The following ACOT7 variants were observed in gnomAD, a reference collection of about 807,000 sequenced individuals.
The protein encoded by ACOT7 is acyl-CoA thioesterase 7.
A neutral mutation model predicts 40.2 loss-of-function variants in ACOT7; 12 were observed. That is an observed-to-expected ratio of 0.30 (90% CI 0.19 to 0.48). The LOEUF is 0.48. ACOT7 is among the 20% of genes least tolerant of loss of function. ACOT7 has a pLI of 0.99. For synonymous variants in ACOT7, 228 were observed against 219.5 expected (o/e 1.04, Z -0.34); for missense variants, 395 against 530.8 (o/e 0.74, Z 2.51).
chr1:6,335,776 T>C (rs977310532), intron 3 of ACOT7, among the ~76,000 whole-genome samples: 2 of 152,308 alleles, frequency 1.3e-5, no homozygotes, highest in Non-Finnish European at 1.5e-5. Context: ...GAACACACCT[T>C]GGGAACGTGG....
chr1:6,343,590 A>C (rs1641336592), intron 2 of ACOT7, among the ~76,000 whole-genome samples: 1 of 152,362 alleles, frequency 6.6e-6, no homozygotes. Flanking sequence ...CCCCCAAGTC[A>C]ATGTATGTGG....
At chr1:6,293,693 C>A (rs536219599) in intron 7 of ACOT7, among the ~76,000 whole-genome samples, 1 of 152,074 alleles carries the variant, frequency 6.6e-6, no homozygotes, top group Non-Finnish European at 1.5e-5. Flanking sequence ...AGAATAAGAT[C>A]GTGTTGTGGA....
chr1:6,383,596 G>T lies in ACOT7; in HGVS notation c.143+9661C>A, dbSNP rs549515172. On this transcript the variant is annotated intron_variant, in intron 1 of 8. Transcript: ENST00000361521. ...TCTGTTGTCCAGGCTGGATTGCAGT[G>T]GTGCAATAAGCTCACTACAGCCTCA... Among the ~76,000 whole-genome samples the T allele has an allele frequency of 4.0e-5, 6 of 150,170 alleles. No individual in the cohort carries two copies. The South Asian group carries it at 1.3e-3, about 32-fold the overall frequency.
At chr1:6,327,038 G>A (rs901757541) in intron 5 of ACOT7, among the ~76,000 whole-genome samples, 4 of 152,144 alleles carry the variant, frequency 2.6e-5, no homozygotes, top group Admixed American at 6.5e-5. Context: ...CCTGGCAATG[G>A]AGGCCCCACG....
intron 6 of ACOT7, among the ~76,000 whole-genome samples, chr1:6,316,207 C>T (rs972337631): frequency 6.6e-6 from 1 of 152,152 alleles, no homozygotes; most frequent in Admixed American, 6.5e-5. Context: ...GTGGCAGAAG[C>T]CTGGGCTTGG....
At chr1:6,357,607 T>A (rs1186430401) in intron 1 of ACOT7, among the ~76,000 whole-genome samples, 1 of 152,174 alleles carries the variant, frequency 6.6e-6, no homozygotes, top group Admixed American at 6.5e-5. Flanking sequence ...CTGCAGACAC[T>A]CGGAGCTTCC....
chr1:6,360,757 C>A, intron 1 of ACOT7: 2 of 1,569,342 alleles, frequency 1.3e-6, no homozygotes, highest in Non-Finnish European at 1.7e-6. Context: ...TTGGCCTCAT[C>A]CCTCCAGGCG....
At chr1:6,285,408 A>ACCTCCCTT (rs1368858905) in intron 7 of ACOT7, among the ~76,000 whole-genome samples, 2 of 151,806 alleles carry the variant, frequency 1.3e-5, no homozygotes, top group Admixed American at 1.3e-4. Context: ...ACACCTGTCC[A>ACCTCCCTT]CCTCCCTTCC....
At chr1:6,322,391 T>C (rs1162420154) in intron 5 of ACOT7, among the ~76,000 whole-genome samples, 1 of 152,232 alleles carries the variant, frequency 6.6e-6, no homozygotes, top group Non-Finnish European at 1.5e-5. Flanking sequence ...ACATGGCAGC[T>C]AACAGTGACC....
intron 4 of ACOT7, among the ~76,000 whole-genome samples, chr1:6,328,566 T>C (rs1426633903): frequency 6.6e-6 from 1 of 151,976 alleles, no homozygotes; most frequent in Non-Finnish European, 1.5e-5. Context: ...CCTGTAGTCT[T>C]AGCCACTCGG....
chr1:6,311,743 A>G lies in ACOT7; in HGVS notation c.712+6749T>C, dbSNP rs1303351125. ...AACTTGCTGAGAAGAAGGGAAACACACTCATGGACACACGAGTCCAGGAGC... is the reference window on the plus strand; with the variant it reads ...AACTTGCTGAGAAGAAGGGAAACACGCTCATGGACACACGAGTCCAGGAGC... On this transcript the variant is annotated intron_variant, in intron 6 of 8. Transcript: ENST00000361521. This position sits in a 1 kb window ranked among gnomAD's most constrained non-coding sequence, Gnocchi z 5.2. 6.6e-6 allele frequency among the ~76,000 whole-genome samples: 1 copy of G among 152,012 alleles called. No homozygotes were observed.
At chr1:6,283,411 C>T (rs1639410193) in intron 7 of ACOT7, among the ~76,000 whole-genome samples, 1 of 152,162 alleles carries the variant, frequency 6.6e-6, no homozygotes, top group African/African-American at 2.4e-5. Flanking sequence ...ATCCAACTGC[C>T]TCGGCCTCCC....
chr1:6,323,975 G>A (rs1271336363), intron 5 of ACOT7, among the ~76,000 whole-genome samples: 2 of 151,898 alleles, frequency 1.3e-5, no homozygotes, highest in Non-Finnish European at 2.9e-5. Flanking sequence ...GGCAGAGACG[G>A]AGGGTCCTCC....
At chr1:6,279,246 G>A (rs545359289) in intron 8 of ACOT7, among the ~76,000 whole-genome samples, 21 of 152,330 alleles carry the variant, frequency 1.4e-4, no homozygotes, top group African/African-American at 4.3e-4. Flanking sequence ...GAACGACTGC[G>A]GACCAGCCCA....
intron 6 of ACOT7, among the ~76,000 whole-genome samples, chr1:6,310,927 G>C (rs549906682): frequency 6.6e-6 from 1 of 152,038 alleles, no homozygotes. Flanking sequence ...TAGTAGAGAC[G>C]AGATTTCATC....
At chr1:6,374,903 T>C (rs1052308664) in intron 1 of ACOT7, among the ~76,000 whole-genome samples, 3 of 152,226 alleles carry the variant, frequency 2.0e-5, no homozygotes, top group African/African-American at 7.2e-5. Flanking sequence ...TGGCTTCCCC[T>C]GTTCATCCTG....
rs1642566930 is a variant in ACOT7, at chr1:6,393,326, G to A, written c.74C>T (p.Ala25Val). The stretch of plus-strand genomic sequence containing the variant: ...CATGCTGGGGGCTGCGGCGGCGGAT[G>A]CGGCGGGCGGCTGCAGAAGGGCGCA... Reference protein sequence around the residue: ...DTCALLQPPAASAAAAPSMSG... With the variant: ...DTCALLQPPAVSAAAAPSMSG... The change falls in exon 1 of 9, where the codon GCA becomes GTA. Residue 25 changes from alanine (A) to valine (V), a missense_variant. This residue lies in a region of ACOT7 where 86 missense variants were observed against 60.5 expected (regional missense o/e 1.42). Transcript: ENST00000361521. 4.7e-6 allele frequency: 6 copies of A among 1,265,304 alleles called. No individual in the cohort carries two copies. The African/African-American group carries it at 9.2e-5, about 19-fold the overall frequency. 78.4% of individuals were successfully genotyped at this position (1,265,304 alleles called of 1,614,324 possible). A position where few individuals can be genotyped will look rare whatever the true frequency, so the allele number is the denominator to read the frequency against.
rs563026803 is a variant in ACOT7, at chr1:6,372,554, C to CTT, written c.143+20701_143+20702dup. On this transcript the variant is annotated intron_variant, in intron 1 of 8. Coordinates refer to ENST00000361521, the MANE Select transcript of ACOT7 (RefSeq NM_007274.4). ...AAGTTTAATCATGTCTAACTTTTGG[C>CTT]TTTTTTTTTTTTTTTTTTGAGAGTC... 4.0e-3 allele frequency among the ~76,000 whole-genome samples: 509 copies of CTT among 128,550 alleles called. 13 individuals are homozygous for CTT. The highest frequency in any genetic ancestry group is 9.6e-3 in the African/African-American group (321 of 33,440). 84.3% of individuals were successfully genotyped at this position (128,550 alleles called of 152,430 possible).
chr1:6,270,900 C>A (rs530421708), intron 8 of ACOT7, among the ~76,000 whole-genome samples: 2 of 152,304 alleles, frequency 1.3e-5, no homozygotes, highest in East Asian at 3.9e-4. Flanking sequence ...ACGCAGCGGG[C>A]CCTTTAGGAT....
Sources: allele counts gnomAD v4.1 joint callset (sites outside exome capture counted in the v4.1 genomes callset), GRCh38; gene constraint gnomAD v4.1.1; regional missense constraint gnomAD v4.1.1; non-coding constraint Gnocchi (gnomAD v3.1); transcripts MANE v1.5; gene names NCBI Gene and HGNC (gene_info 2026-07-23, HGNC 2026-07-21).